RFTN1: variants seen among roughly 807,000 people sequenced by gnomAD.
The protein encoded by RFTN1 is raftlin.
Under a neutral mutation model 46.5 loss-of-function variants are expected in RFTN1, and 26 were observed. The observed-to-expected ratio is 0.56, with a 90% confidence interval of 0.41 to 0.78. RFTN1 has a LOEUF of 0.78. Ranked by LOEUF, RFTN1 falls within the 30% of genes least tolerant of loss-of-function variation. The probability of loss-of-function intolerance (pLI) is 0.00; values close to 1 mark genes in which losing one functional copy is unlikely to be tolerated. For synonymous variants in RFTN1, 261 were observed against 284.2 expected, an observed-to-expected ratio of 0.92 and a Z score of 0.82; for missense variants, 693 against 718.7, an observed-to-expected ratio of 0.96 and a Z score of 0.41.
At chr3:16,319,659 A>G (rs2125173385) in intron 9 of RFTN1, among the ~76,000 whole-genome samples, 2 of 152,360 alleles carry the variant, frequency 1.3e-5, no homozygotes, top group Admixed American at 1.3e-4. Flanking sequence ...GCCTGGCCAC[A>G]TCCAGTTTCC....
rs1307458866 is a variant in RFTN1, at chr3:16,466,832, A to G, written c.145+26893T>C. On this transcript the variant is annotated intron_variant, in intron 2 of 9. Transcript: ENST00000334133. This position sits in a 1 kb window ranked among gnomAD's most constrained non-coding sequence, Gnocchi z 5.6. ...CGCTTCTCATAGCTGAAAACATGGA[A>G]GGCAGTCCATCTTTCTAGACAGTGA... 6.6e-6 allele frequency among the ~76,000 whole-genome samples: 1 copy of G among 152,212 alleles called. No homozygotes were observed. The highest frequency in any genetic ancestry group is 1.5e-5 in the Non-Finnish European group (1 of 68,038).
At chr3:16,332,397 TTCTTA>T (rs376939084) in intron 7 of RFTN1, among the ~76,000 whole-genome samples, 4 of 142,428 alleles carry the variant, frequency 2.8e-5, no homozygotes, top group Non-Finnish European at 4.6e-5. Context: ...CAAAAGCCCT[TTCTTA>T]TCTTTTGATT....
rs1491581919 is a variant in RFTN1, at chr3:16,345,264, T to TTTG, written c.1146+12667_1146+12668insCAA. 22 of 145,838 alleles carry TTTG rather than the reference T, an allele frequency of 1.5e-4. No homozygotes were observed. The highest frequency in any genetic ancestry group is 5.3e-4 in the African/African-American group (20 of 37,754). The allele number at this position is 145,838 out of a possible 1,614,324, so 9.0% of individuals were successfully genotyped here. A position where few individuals can be genotyped will look rare whatever the true frequency, so the allele number is the denominator to read the frequency against. On this transcript the variant is annotated intron_variant, in intron 7 of 9. Coordinates refer to ENST00000334133, the MANE Select transcript of RFTN1 (RefSeq NM_015150.2). This position sits in a 1 kb window ranked among gnomAD's most constrained non-coding sequence, Gnocchi z 5.2. Reference sequence around the variant, plus strand: ...AAACTGTAAGATAATAAGTAGGTGGTTGTGTGTGTGTGTGTGTGTGTGTGT... The same window carrying TTTG: ...AAACTGTAAGATAATAAGTAGGTGGTTTGTGTGTGTGTGTGTGTGTGTGTGTGT...
intron 1 of RFTN1, among the ~76,000 whole-genome samples, chr3:16,510,802 C>T (rs1457710933): frequency 6.6e-6 from 1 of 152,164 alleles, no homozygotes; most frequent in Admixed American, 6.5e-5. Flanking sequence ...GAACACATGT[C>T]CCTACAGAGA....
At chr3:16,398,375 C>A (rs976508116) in intron 4 of RFTN1, among the ~76,000 whole-genome samples, 1 of 151,708 alleles carries the variant, frequency 6.6e-6, no homozygotes, top group Non-Finnish European at 1.5e-5. Flanking sequence ...AGGGAGGGTG[C>A]AATCAAGAGC....
intron 6 of RFTN1, among the ~76,000 whole-genome samples, chr3:16,365,543 T>C (rs2073108392): frequency 1.3e-5 from 2 of 152,188 alleles, no homozygotes; most frequent in South Asian, 4.1e-4. Context: ...AAAAAGGTGG[T>C]ATAAATACCC....
Position 16,385,342 on chromosome 3 carries a change from G to T in RFTN1, c.442-7240C>A, listed in dbSNP as rs143069466. 3.3e-5 allele frequency among the ~76,000 whole-genome samples: 5 copies of T among 152,320 alleles called. No individual in the cohort carries two copies. Among genetic ancestry groups the T allele is most frequent in the African/African-American group, 1.2e-4 (5 of 41,580 alleles). Reference sequence around the variant, plus strand: ...TTTGACATGTTAACACTTAGCTGCAGAAATTGGAAGCTTTGCCAGGCGCTG... The same window carrying T: ...TTTGACATGTTAACACTTAGCTGCATAAATTGGAAGCTTTGCCAGGCGCTG... On this transcript the variant is annotated intron_variant, in intron 4 of 9. Coordinates refer to ENST00000334133, the MANE Select transcript of RFTN1 (RefSeq NM_015150.2). This position sits in a 1 kb window ranked among gnomAD's most constrained non-coding sequence, Gnocchi z 5.0.
rs1358314347 is a variant in RFTN1, at chr3:16,374,921, G to GA, written c.826+2796dup. On this transcript the variant is annotated intron_variant, in intron 5 of 9. Transcript: ENST00000334133. This position sits in a 1 kb window ranked among gnomAD's most constrained non-coding sequence, Gnocchi z 5.4. ...CACCGAGCCCGCAGAGATGGGGAGG[G>GA]ACGACCTGCCCCTGCTTCCGCATGG... Among the ~76,000 whole-genome samples the GA allele has an allele frequency of 6.6e-6, 1 of 152,174 alleles. No homozygotes were observed. Among genetic ancestry groups the GA allele is most frequent in the Non-Finnish European group, 1.5e-5 (1 of 68,024 alleles).
intron 2 of RFTN1, among the ~76,000 whole-genome samples, chr3:16,491,277 G>A (rs1011405068): frequency 3.3e-5 from 5 of 152,146 alleles, no homozygotes; most frequent in Non-Finnish European, 7.4e-5. Flanking sequence ...AAAGCCCAGA[G>A]GAGGCCTGGC....
chr3:16,497,152 C>T (rs919657887), intron 1 of RFTN1, among the ~76,000 whole-genome samples: 7 of 152,096 alleles, frequency 4.6e-5, no homozygotes, highest in African/African-American at 9.7e-5. Flanking sequence ...CAGTTTGTGA[C>T]GATTCACTGG....
rs1267663352 is a variant in RFTN1, at chr3:16,329,098, G to C, written c.1147-2222C>G. On this transcript the variant is annotated intron_variant, in intron 7 of 9. Coordinates refer to ENST00000334133, the MANE Select transcript of RFTN1 (RefSeq NM_015150.2). The surrounding 1 kb of genome is among the most constrained non-coding windows in gnomAD (Gnocchi z 4.5). ...CAGAAGGGCTCCACTCTTGTGAATGGGTTAATGCCAACTCAGGCAAAGGGC... is the reference window on the plus strand; with the variant it reads ...CAGAAGGGCTCCACTCTTGTGAATGCGTTAATGCCAACTCAGGCAAAGGGC... Among the ~76,000 whole-genome samples the C allele has an allele frequency of 2.0e-5, 3 of 152,220 alleles. No individual in the cohort carries two copies. Among genetic ancestry groups the C allele is most frequent in the African/African-American group, 7.2e-5 (3 of 41,456 alleles).
chr3:16,385,302 G>T lies in RFTN1; in HGVS notation c.442-7200C>A, dbSNP rs559428342. ...ATAACACGGGTTTGAGCTCACATCT[G>T]AAGCCGCCTTTAGTTTTGACATGTT... On this transcript the variant is annotated intron_variant, in intron 4 of 9. Transcript: ENST00000334133. This position sits in a 1 kb window ranked among gnomAD's most constrained non-coding sequence, Gnocchi z 5.0. Among the ~76,000 whole-genome samples, 116 of 152,342 alleles carry T rather than the reference G, an allele frequency of 7.6e-4. No homozygotes were observed. The highest frequency in any genetic ancestry group is 2.6e-3 in the African/African-American group (109 of 41,570).
chr3:16,429,313 TTA>T lies in RFTN1; in HGVS notation c.332+4536_332+4537del, dbSNP rs2075341873. ...ACTTTTGGAATGACTCATTAATAAT[TTA>T]GTTAGACTGTCAACGATGCTCTCCA... On this transcript the variant is annotated intron_variant, in intron 3 of 9. Transcript: ENST00000334133. The surrounding 1 kb of genome is among the most constrained non-coding windows in gnomAD (Gnocchi z 6.4). Among the ~76,000 whole-genome samples, 1 of 152,212 alleles carries T rather than the reference TTA, an allele frequency of 6.6e-6. No homozygotes were observed. The highest frequency in any genetic ancestry group is 2.1e-4 in the South Asian group (1 of 4,834).
intron 7 of RFTN1, among the ~76,000 whole-genome samples, chr3:16,354,961 C>A (rs145704932): frequency 6.6e-6 from 1 of 152,208 alleles, no homozygotes; most frequent in African/African-American, 2.4e-5. Flanking sequence ...ATAAGGATGG[C>A]CTTTCCTCCA....
rs10560544 is a variant in RFTN1, at chr3:16,465,419, GACACACACACACACACAC to G, written c.145+28288_145+28305del. 1.9e-4 allele frequency among the ~76,000 whole-genome samples: 27 copies of G among 143,404 alleles called. No individual in the cohort carries two copies. The highest frequency in any genetic ancestry group is 1.7e-3 in the Admixed American group (24 of 14,274). 94.1% of individuals were successfully genotyped at this position (143,404 alleles called of 152,430 possible). On this transcript the variant is annotated intron_variant, in intron 2 of 9. Transcript: ENST00000334133. The surrounding 1 kb of genome is among the most constrained non-coding windows in gnomAD (Gnocchi z 5.1). Reference sequence around the variant, plus strand: ...CCAACAGAGGTTGGCAGCTCAGAGGGACACACACACACACACACACACACACACACACACACCCCATGC... The same window carrying G: ...CCAACAGAGGTTGGCAGCTCAGAGGGACACACACACACACACACCCCATGC...
chr3:16,487,786 T>C (rs1476093551), intron 2 of RFTN1, among the ~76,000 whole-genome samples: 1 of 152,232 alleles, frequency 6.6e-6, no homozygotes, highest in Non-Finnish European at 1.5e-5. Flanking sequence ...ACAGAGAGGC[T>C]GGCAAAACGC....
At chr3:16,510,465 T>G (rs767513880) in intron 1 of RFTN1, among the ~76,000 whole-genome samples, 1 of 152,346 alleles carries the variant, frequency 6.6e-6, no homozygotes, top group South Asian at 2.1e-4. Context: ...AAAATATTCA[T>G]CTGATCGTCT....
chr3:16,420,040 A>C (rs1236913638), intron 3 of RFTN1, among the ~76,000 whole-genome samples: 1 of 152,188 alleles, frequency 6.6e-6, no homozygotes, highest in Non-Finnish European at 1.5e-5. Context: ...TTCTAGAGAA[A>C]TCATCCTGTC....
intron 4 of RFTN1, among the ~76,000 whole-genome samples, chr3:16,395,559 C>A (rs1332771972): frequency 7.9e-5 from 12 of 152,072 alleles, no homozygotes; most frequent in African/African-American, 2.9e-4. Flanking sequence ...GATCCACCCC[C>A]CTCGGCCTCC....
Sources: allele counts gnomAD v4.1 joint callset (sites outside exome capture counted in the v4.1 genomes callset), GRCh38; gene constraint gnomAD v4.1.1; non-coding constraint Gnocchi (gnomAD v3.1); transcripts MANE v1.5; gene names NCBI Gene and HGNC (gene_info 2026-07-23, HGNC 2026-07-21).